The following SLC6A4 variants were observed in gnomAD, a reference collection of about 807,000 sequenced individuals.
SLC6A4 encodes the protein sodium-dependent serotonin transporter.
In SLC6A4, 22 loss-of-function variants were observed where a neutral mutation model predicts 73.4. That is an observed-to-expected ratio of 0.30 (90% CI 0.21 to 0.43). The LOEUF (loss-of-function observed/expected upper bound fraction) is 0.43. Among genes scored for constraint, SLC6A4 ranks in the 20% least tolerant of loss-of-function variants. The pLI is 1.00. For missense variants in SLC6A4, 593 were observed against 808.5 expected (o/e 0.73, Z 3.23); for synonymous variants, 270 against 315.5 (o/e 0.86, Z 1.53).
chr17:30,228,711 C>A (rs1422932686), intron 1 of SLC6A4, among the ~76,000 whole-genome samples: 1 of 152,202 alleles, frequency 6.6e-6, no homozygotes, highest in African/African-American at 2.4e-5. Flanking sequence ...TATCCTGCAC[C>A]CTCCAAGGCC....
chr17:30,211,330 C>T lies in SLC6A4; in HGVS notation c.1299G>A (p.Thr433=), dbSNP rs753478260. Residue 433 remains threonine, a synonymous_variant, in exon 10 of 15, where the codon ACG becomes ACA. Transcript: ENST00000650711. This position sits in a 1 kb window ranked among gnomAD's most constrained non-coding sequence, Gnocchi z 4.0. ...TCCTCACCGTGCTGTCCAAGCCCAG[C>T]GTGATTAACATCAGAAAGAAGATGA... ...FAIIFFLMLI[T]LGLDSTFAGL... is the part of the protein sequence containing the mutation. 1.4e-5 allele frequency: 23 copies of T among 1,609,338 alleles called. 1 individual carries two copies. Among genetic ancestry groups the T allele is most frequent in the Middle Eastern group, 1.7e-4 (1 of 5,790 alleles).
chr17:30,224,333 C>T (rs1906865272), intron 1 of SLC6A4, among the ~76,000 whole-genome samples: 1 of 152,130 alleles, frequency 6.6e-6, no homozygotes, highest in Non-Finnish European at 1.5e-5. Flanking sequence ...ATTCTTGTGC[C>T]TCAGCCTCCG....
rs1476888015 is a variant in SLC6A4, at chr17:30,203,221, G to A, written c.1769C>T (p.Pro590Leu). 1 of 1,613,710 alleles carries A rather than the reference G, an allele frequency of 6.2e-7. No homozygotes were observed. The highest frequency in any genetic ancestry group is 8.5e-7 in the Non-Finnish European group (1 of 1,179,662). Residue 590 changes from proline to leucine, a missense_variant, in exon 14 of 15, where the codon CCC becomes CTC. Coordinates refer to ENST00000650711, the MANE Select transcript of SLC6A4 (RefSeq NM_001045.6). ...GATCAACCGATAAGCTATATATGTGGGGATGCAAATGAAAGATGAGGTTCC... is the reference window on the plus strand; with the variant it reads ...GATCAACCGATAAGCTATATATGTGAGGATGCAAATGAAAGATGAGGTTCC... ...CIGTSSFICI[P>L]TYIAYRLIIT...
At chr17:30,201,589 A>G (rs1159254850) in intron 14 of SLC6A4, among the ~76,000 whole-genome samples, 1 of 152,210 alleles carries the variant, frequency 6.6e-6, no homozygotes, top group Non-Finnish European at 1.5e-5. Flanking sequence ...CTCATGGATC[A>G]TCACAACTGC....
rs1221409071 is a variant in SLC6A4, at chr17:30,218,804, A to T, written c.471T>A (p.Ile157=). Residue 157 remains isoleucine (I), a synonymous_variant, in exon 4 of 15, where the codon ATT becomes ATA. Transcript: ENST00000650711. Reference sequence around the variant, plus strand: ...ACCGAGCCCTTCAGTTACCTTTGAAAATCGGGCAGATTTTCCTCCATATTG... The same window carrying T: ...ACCGAGCCCTTCAGTTACCTTTGAATATCGGGCAGATTTTCCTCCATATTG... ...CISIWRKICP[I]FKGIGYAICI... is the part of the protein sequence containing the mutation. 1 of 1,613,866 alleles carries T rather than the reference A, an allele frequency of 6.2e-7. No individual in the cohort carries two copies. The highest frequency in any genetic ancestry group is 8.5e-7 in the Non-Finnish European group (1 of 1,179,978).
In SLC6A4 at chr17:30,230,098, G is replaced by GAAGAAGAAGAGGAA. The variant is rs1555591454; in HGVS notation, c.-221+5514_-221+5515insTTCCTCTTCTTCTT. On this transcript the variant is annotated intron_variant, in intron 1 of 14. Coordinates refer to ENST00000650711, the MANE Select transcript of SLC6A4 (RefSeq NM_001045.6). ...AAGAAGAAGAAGAAGAAGAAGAAGA[G>GAAGAAGAAGAGGAA]GAGGAAGAGGAAGAGGAAGAGGAAG... Among the ~76,000 whole-genome samples the GAAGAAGAAGAGGAA allele has an allele frequency of 8.9e-5, 8 of 89,626 alleles. No homozygotes were observed. In the East Asian group the frequency reaches 1.2e-3, roughly 14 times the overall value. The allele number at this position is 89,626 out of a possible 152,430, so 58.8% of individuals were successfully genotyped here.
rs937816576 is a variant in SLC6A4 at position 30,197,243 on chromosome 17, CT to C, written c.*1212del. ...CATTTCCCAAGCAGCCTTACTTAGA[CT>C]CAACCTTAAAAATTATCTGGAGGGC... On this transcript the variant is annotated 3_prime_UTR_variant, in exon 15 of 15. Transcript: ENST00000650711. The C allele has an allele frequency of 6.6e-6, 1 of 152,354 alleles. No individual in the cohort carries two copies. Among genetic ancestry groups the C allele is most frequent in the African/African-American group, 2.4e-5 (1 of 41,450 alleles). The allele number at this position is 152,354 out of a possible 1,614,324, so 9.4% of individuals were successfully genotyped here.
rs1323598992 is a variant in SLC6A4, at chr17:30,232,342, C to T, written c.-221+3271G>A. ...GTCTCATCATAACCCCTCCTGTCAC[C>T]TCTTCCCTCCCTACCTCAAAGAATG... On this transcript the variant is annotated intron_variant, in intron 1 of 14. Transcript: ENST00000650711. Among the ~76,000 whole-genome samples, 10 of 152,198 alleles carry T rather than the reference C, an allele frequency of 6.6e-5. 1 individual carries two copies. Among genetic ancestry groups the T allele is most frequent in the Admixed American group, 6.5e-4 (10 of 15,284 alleles).
chr17:30,214,299 G>C (rs1362966920), intron 8 of SLC6A4, among the ~76,000 whole-genome samples: 2 of 151,344 alleles, frequency 1.3e-5, no homozygotes, highest in Admixed American at 1.3e-4. Flanking sequence ...GCGCATGCCT[G>C]TCATCCCAGC....
At chr17:30,203,818 G>GT (rs1391550483) in intron 13 of SLC6A4, 1 of 162,852 alleles carries the variant, frequency 6.1e-6, no homozygotes, top group East Asian at 1.7e-4. Flanking sequence ...GGCTGTGGTT[G>GT]TTTTTGGTCA....
intron 11 of SLC6A4, 133 bp downstream of exon 11, chr17:30,210,382 T>G: frequency 1.1e-6 from 1 of 887,062 alleles, no homozygotes; most frequent in Middle Eastern, 2.8e-4. Flanking sequence ...AACCTTTTAA[T>G]GGGAGTAACA....
Position 30,207,734 on chromosome 17 carries a change from G to C in SLC6A4, c.1648C>G (p.Leu550Val), listed in dbSNP as rs28914834. The C allele has an allele frequency of 2.2e-5, 35 of 1,604,822 alleles. No individual in the cohort carries two copies. The East Asian group carries it at 7.4e-4, about 34-fold the overall frequency. ...CWVAISPLFL[L>V]FIICSFLMSP... Reference sequence around the variant, plus strand: ...GGAGAAGGGAAATGGCAACTCACCAGGAGAAACAGAGGGCTGATGGCCACC... The same window carrying C: ...GGAGAAGGGAAATGGCAACTCACCACGAGAAACAGAGGGCTGATGGCCACC... Residue 550 changes from leucine (L) to valine (V), a missense_variant and splice_region_variant, in exon 13 of 15, where the codon CTG (leucine) becomes GTG (valine). Coordinates refer to ENST00000650711, the MANE Select transcript of SLC6A4 (RefSeq NM_001045.6).
At position 30,221,705 on chromosome 17, in the gene SLC6A4, T is replaced by C; in HGVS notation, c.254A>G (p.Lys85Arg). The C allele has an allele frequency of 6.2e-7, 1 of 1,614,124 alleles. No individual in the cohort carries two copies. The highest frequency in any genetic ancestry group is 8.5e-7 in the Non-Finnish European group (1 of 1,180,006). The change falls in exon 3 of 15, where the codon AAG becomes AGG. Residue 85 changes from lysine to arginine, a missense_variant. Coordinates refer to ENST00000650711, the MANE Select transcript of SLC6A4 (RefSeq NM_001045.6). ...AATCACTGAGAGAAGGAAATCCACC[T>C]TCTTGCCCCAGGTCTCCCGTTCCCC... is the stretch of plus-strand genomic sequence containing the variant. ...HQGERETWGK[K>R]VDFLLSVIGY... is the part of the protein sequence containing the mutation.
intron 6 of SLC6A4, among the ~76,000 whole-genome samples, chr17:30,216,958 C>T (rs1036363912): frequency 3.3e-5 from 5 of 152,120 alleles, no homozygotes; most frequent in African/African-American, 1.2e-4. Flanking sequence ...CCTCAGCCTC[C>T]CAAAGTGCTG....
At position 30,202,676 on chromosome 17, in the gene SLC6A4, C is replaced by T. The variant is rs56274550; in HGVS notation, c.1818+496G>A. On this transcript the variant is annotated intron_variant, in intron 14 of 14. Transcript: ENST00000650711. ...TCCAATGGCTTGAGCTAAAATCATG[C>T]TATTGTTAGATAGCTAATAATTTTG... Among the ~76,000 whole-genome samples, 622 of 152,270 alleles carry T rather than the reference C, an allele frequency of 4.1e-3. 4 individuals carry two copies. The highest frequency in any genetic ancestry group is 0.014 in the African/African-American group (573 of 41,546).
At chr17:30,231,328 C>T (rs991920617) in intron 1 of SLC6A4, among the ~76,000 whole-genome samples, 2 of 150,576 alleles carry the variant, frequency 1.3e-5, no homozygotes, top group South Asian at 2.1e-4. Context: ...TATATATATA[C>T]ACACTATATA....
chr17:30,205,891 CAG>C (rs1379220443), intron 13 of SLC6A4: 1 of 152,166 alleles, frequency 6.6e-6, no homozygotes, highest in Non-Finnish European at 1.5e-5. Flanking sequence ...AGTCAAAACA[CAG>C]AATACAAAAA....
chr17:30,227,671 G>A (rs1906970126), intron 1 of SLC6A4, among the ~76,000 whole-genome samples: 1 of 152,092 alleles, frequency 6.6e-6, no homozygotes, highest in South Asian at 2.1e-4. Context: ...ATTTTTTTCA[G>A]AGATGGGGTT....
intron 3 of SLC6A4, among the ~76,000 whole-genome samples, chr17:30,219,484 C>A (rs573014796): frequency 2.6e-4 from 40 of 152,314 alleles, no homozygotes; most frequent in African/African-American, 9.6e-4. Context: ...GCAACAGCTG[C>A]AACTCTCTGT....
Sources: allele counts gnomAD v4.1 joint callset (sites outside exome capture counted in the v4.1 genomes callset), GRCh38; gene constraint gnomAD v4.1.1; non-coding constraint Gnocchi (gnomAD v3.1); transcripts MANE v1.5; gene names NCBI Gene and HGNC (gene_info 2026-07-23, HGNC 2026-07-21).